The following SLC6A5 variants were observed in gnomAD, a reference collection of about 807,000 sequenced individuals.
SLC6A5 encodes sodium- and chloride-dependent glycine transporter 2.
SLC6A5 carries 58 observed loss-of-function variants against 90.5 expected under a neutral mutation model. That is an observed-to-expected ratio of 0.64 (90% CI 0.52 to 0.80). SLC6A5 has a LOEUF of 0.80. Among genes scored for constraint, SLC6A5 ranks in the 30% least tolerant of loss-of-function variants. The pLI, the probability that SLC6A5 is intolerant of heterozygous loss-of-function variation, is 0.00. For synonymous variants in SLC6A5, 427 were observed against 401.4 expected (o/e 1.06, Z -0.76); for missense variants, 1,015 against 1,017.6 (o/e 1.00, Z 0.03).
At chr11:20,608,962 G>C (rs201862881) in intron 5 of SLC6A5, among the ~76,000 whole-genome samples, 18 of 79,786 alleles carry the variant, frequency 2.3e-4, no homozygotes, top group Non-Finnish European at 3.9e-4. Context: ...CTCTCTCTGT[G>C]TGTGTGTGTG....
chr11:20,656,627 T>G lies in SLC6A5; in HGVS notation c.*1759T>G, dbSNP rs2133829562. 1 of 152,366 alleles carries G rather than the reference T, an allele frequency of 6.6e-6. No homozygotes were observed. The highest frequency in any genetic ancestry group is 1.5e-5 in the Non-Finnish European group (1 of 68,028). 9.4% of individuals were successfully genotyped at this position (152,366 alleles called of 1,614,324 possible). On this transcript the variant is annotated 3_prime_UTR_variant, in exon 16 of 16. Transcript: ENST00000525748. Reference sequence around the variant, plus strand: ...AACATCAATATGAACTTCCAGTTTTTAAGAGTAGCTTGTGAAAGGTTTTAG... The same window carrying G: ...AACATCAATATGAACTTCCAGTTTTGAAGAGTAGCTTGTGAAAGGTTTTAG...
chr11:20,635,705 C>A (rs1853191751), intron 10 of SLC6A5, among the ~76,000 whole-genome samples: 1 of 152,118 alleles, frequency 6.6e-6, no homozygotes, highest in African/African-American at 2.4e-5. Flanking sequence ...CATGTTCCAA[C>A]TTTTAGAGCG....
At chr11:20,624,974 G>GTGGACACT (rs1332349133) in intron 7 of SLC6A5, among the ~76,000 whole-genome samples, 11 of 152,316 alleles carry the variant, frequency 7.2e-5, no homozygotes, top group African/African-American at 2.6e-4. Flanking sequence ...CTTTGCAGGT[G>GTGGACACT]TGGACACTGA....
intron 7 of SLC6A5, among the ~76,000 whole-genome samples, chr11:20,620,909 C>T (rs1838177): frequency 0.7 from 106,879 of 151,976 alleles, 37,625 homozygotes; most frequent in South Asian, 0.78. Context: ...AAGTGATTGT[C>T]CTGCCTCAGA....
At chr11:20,652,562 A>ACTTGGGAGG in intron 15 of SLC6A5, 106 bp downstream of exon 15, 1 of 1,138,858 alleles carries the variant, frequency 8.8e-7, no homozygotes, top group Non-Finnish European at 1.3e-6. Context: ...CAAGAGGGAG[A>ACTTGGGAGG]CTTGGTGATG....
intron 13 of SLC6A5, among the ~76,000 whole-genome samples, chr11:20,645,019 G>A (rs975020671): frequency 6.6e-6 from 1 of 151,736 alleles, no homozygotes; most frequent in Admixed American, 6.6e-5. Flanking sequence ...CACTAAGTTG[G>A]CCAGGCTGAT....
intron 6 of SLC6A5, among the ~76,000 whole-genome samples, chr11:20,615,062 A>T (rs555217319): frequency 5.8e-4 from 89 of 152,332 alleles, no homozygotes; most frequent in African/African-American, 1.9e-3. Context: ...GCTGATGAAA[A>T]GCCCATTTCA....
At chr11:20,601,779 C>A (rs937105344) in intron 2 of SLC6A5, 114 bp downstream of exon 2, 48 of 1,144,618 alleles carry the variant, frequency 4.2e-5, no homozygotes, top group Non-Finnish European at 5.9e-5. Flanking sequence ...TTGGCAGTGC[C>A]AGGTGATGGA....
At chr11:20,607,207 C>T in intron 4 of SLC6A5, 69 bp downstream of exon 4, 1 of 1,553,428 alleles carries the variant, frequency 6.4e-7, no homozygotes, top group Non-Finnish European at 8.7e-7. Context: ...ACCATGCAGC[C>T]CCAGGGAGGG....
chr11:20,650,655 CTTTTTTTTTTTTTTTT>C (rs55849528), intron 14 of SLC6A5, among the ~76,000 whole-genome samples: 10 of 79,842 alleles, frequency 1.3e-4, no homozygotes, highest in African/African-American at 3.6e-4. Flanking sequence ...GACGCCTGTT[CTTTTTTTTTTTTTTTT>C]TTTTTTTTTT....
At chr11:20,624,732 C>G (rs1341257104) in intron 7 of SLC6A5, among the ~76,000 whole-genome samples, 4 of 152,192 alleles carry the variant, frequency 2.6e-5, no homozygotes, top group African/African-American at 7.2e-5. Context: ...CAGAGTGGGC[C>G]TGGATGGGAG....
chr11:20,607,190 C>T (rs1852600290), intron 4 of SLC6A5, 52 bp downstream of exon 4: 1 of 1,568,368 alleles, frequency 6.4e-7, no homozygotes, highest in African/African-American at 1.4e-5. Flanking sequence ...ACTCTGTCCC[C>T]TCTGGCACCA....
intron 3 of SLC6A5, among the ~76,000 whole-genome samples, chr11:20,606,135 C>T (rs1026067219): frequency 6.6e-6 from 1 of 152,240 alleles, no homozygotes; most frequent in African/African-American, 2.4e-5. Flanking sequence ...TGACCATTCC[C>T]CAAGTCCCTC....
intron 3 of SLC6A5, among the ~76,000 whole-genome samples, chr11:20,606,743 A>G (rs1406124189): frequency 6.6e-6 from 1 of 152,212 alleles, no homozygotes; most frequent in East Asian, 1.9e-4. Context: ...AAAACCCATC[A>G]GCACATATCC....
rs534333220 is a variant in SLC6A5, at chr11:20,652,413, T to A, written c.2195T>A (p.Met732Lys). 2 of 1,614,182 alleles carry A rather than the reference T, an allele frequency of 1.2e-6. No homozygotes were observed. The highest frequency in any genetic ancestry group is 2.7e-5 in the African/African-American group (2 of 75,054). Reference protein sequence around the residue: ...LACSVIWIPIMFVIKMHLAPG... With the variant: ...LACSVIWIPIKFVIKMHLAPG... ...TGTTCCGTCATCTGGATCCCAATTATGTTTGTGATAAAAATGCATCTGGCC... is the reference window on the plus strand; with the variant it reads ...TGTTCCGTCATCTGGATCCCAATTAAGTTTGTGATAAAAATGCATCTGGCC... The change falls in exon 15 of 16, where the codon ATG (methionine) becomes AAG (lysine). Residue 732 changes from methionine to lysine, a missense_variant. Met to Lys is a moderately conservative substitution (Grantham distance 95). Around this residue, in one of 3 missense-constraint regions of SLC6A5, gnomAD observed 442 missense variants for 494.3 expected, o/e 0.89. Coordinates refer to ENST00000525748, the MANE Select transcript of SLC6A5 (RefSeq NM_004211.5).
chr11:20,630,602 C>T (rs1853089477), intron 9 of SLC6A5, 89 bp from the exon 10 acceptor site: 1 of 1,469,248 alleles, frequency 6.8e-7, no homozygotes, highest in East Asian at 2.3e-5. Context: ...TGCAGACAAA[C>T]ATGTGGGCAC....
Position 20,630,631 on chromosome 11 carries a change from C to T in SLC6A5, c.1500-60C>T, listed in dbSNP as rs948159951. ...TGGGCACACATTTGTGTGTCCTTCC[C>T]CTTGTCCCTTTCCACTCACCAAGCA... is the stretch of plus-strand genomic sequence containing the variant. On this transcript the variant is annotated intron_variant, in intron 9 of 15. Coordinates refer to ENST00000525748, the MANE Select transcript of SLC6A5 (RefSeq NM_004211.5). 3 of 1,600,134 alleles carry T rather than the reference C, an allele frequency of 1.9e-6. No homozygotes were observed. The Admixed American group carries it at 5.0e-5, about 27-fold the overall frequency.
intron 5 of SLC6A5, among the ~76,000 whole-genome samples, chr11:20,609,789 G>A (rs560577231): frequency 4.6e-5 from 7 of 152,296 alleles, no homozygotes; most frequent in African/African-American, 1.7e-4. Flanking sequence ...ATTCCATGGG[G>A]ATACCAGGCA....
At position 20,617,883 on chromosome 11, in the gene SLC6A5, A is replaced by G; in HGVS notation, c.1259A>G (p.Lys420Arg). ...SLAKGIKTSG[K>R]VVYFTATFPY... is the part of the protein sequence containing the mutation. ...GCTAAAGGAATCAAGACTTCAGGAA[A>G]AGTAAGCACTTGGATTTATCTAAGA... The change falls in exon 7 of 16, where the codon AAA (lysine) becomes AGA (arginine). Residue 420 changes from lysine (K) to arginine (R), a missense_variant and splice_region_variant. Physicochemically the swap from Lys to Arg is conservative, Grantham distance 26 (BLOSUM62 2). Transcript: ENST00000525748. 6.2e-7 allele frequency: 1 copy of G among 1,612,246 alleles called. No homozygotes were observed. The highest frequency in any genetic ancestry group is 2.2e-5 in the East Asian group (1 of 44,592).
Sources: gnomAD v4.1 joint callset for allele counts (sites outside exome capture counted in the v4.1 genomes callset) on GRCh38, gnomAD v4.1.1 for gene constraint, gnomAD v4.1.1 regional missense constraint, MANE v1.5 for transcripts, NCBI Gene and HGNC (gene_info 2026-07-23, HGNC 2026-07-21) for gene names.